JAKMIP3: variants seen among roughly 807,000 people sequenced by gnomAD.
The protein encoded by JAKMIP3 is Janus kinase and microtubule interacting protein 3.
A neutral mutation model predicts 118.5 loss-of-function variants in JAKMIP3; 58 were observed. The observed-to-expected ratio is 0.49, with a 90% CI of 0.40 to 0.61. The LOEUF (loss-of-function observed/expected upper bound fraction) is 0.61, where lower values mean the gene tolerates loss of function less well. JAKMIP3 is among the 20% of genes least tolerant of loss of function. The probability of loss-of-function intolerance (pLI) is 0.00; values close to 1 mark genes in which losing one functional copy is unlikely to be tolerated. For missense variants in JAKMIP3, 950 were observed against 1,109.0 expected (o/e 0.86, Z 2.04); for synonymous variants, 486 against 451.2 (o/e 1.08, Z -0.98).
At position 132,180,787 on chromosome 10, in the gene JAKMIP3, G is replaced by A. The variant is rs543209190; in HGVS notation, c.*1104-1570G>A. ...TGTGTGTGCGTGTGTGTGTGTGCGC[G>A]TATGCATGTGCTGTGAGTGGTGTGT... On this transcript the variant is annotated intron_variant, in intron 23 of 23. Transcript: ENST00000684848. 2.9e-4 allele frequency among the ~76,000 whole-genome samples: 7 copies of A among 24,142 alleles called. 3 individuals are homozygous for A. The highest frequency in any genetic ancestry group is 0.02 in the East Asian group (2 of 102). The allele number at this position is 24,142 out of a possible 152,430, so 15.8% of individuals were successfully genotyped here. A position where few individuals can be genotyped will look rare whatever the true frequency, so the allele number is the denominator to read the frequency against.
intron 1 of JAKMIP3, among the ~76,000 whole-genome samples, chr10:132,084,901 C>A (rs1192483801): frequency 6.6e-6 from 1 of 152,184 alleles, no homozygotes. Context: ...TGTTAAACCA[C>A]CCCTGCATTC....
intron 3 of JAKMIP3, among the ~76,000 whole-genome samples, chr10:132,132,165 C>T (rs1039800533): frequency 1.3e-5 from 2 of 152,232 alleles, no homozygotes; most frequent in African/African-American, 2.4e-5. Flanking sequence ...TCATCACTTG[C>T]TCCATCCAGG....
chr10:132,043,376 G>A (rs931216878), intron 1 of JAKMIP3, among the ~76,000 whole-genome samples: 9 of 151,740 alleles, frequency 5.9e-5, no homozygotes, highest in Admixed American at 6.6e-5. Flanking sequence ...GGCCCTTTCC[G>A]TTTGTGTGTG....
upstream of JAKMIP3, among the ~76,000 whole-genome samples, chr10:132,063,746 G>GTT (rs1481480232): frequency 6.6e-6 from 1 of 152,132 alleles, no homozygotes; most frequent in Non-Finnish European, 1.5e-5. Flanking sequence ...GAAAGTAGAT[G>GTT]TTTTTTCTGA....
At chr10:132,143,646 A>C (rs1477626127) in intron 11 of JAKMIP3, 1 of 152,268 alleles carries the variant, frequency 6.6e-6, no homozygotes, top group Admixed American at 6.5e-5. Flanking sequence ...AGATTAATGA[A>C]GAAAATAGAC....
intron 1 of JAKMIP3, among the ~76,000 whole-genome samples, chr10:132,050,916 T>C (rs1464946096): frequency 6.6e-6 from 1 of 151,654 alleles, no homozygotes; most frequent in African/African-American, 2.4e-5. Flanking sequence ...ACGGTTGGTC[T>C]TGTTAATTCC....
chr10:132,039,029 C>A (rs1372839537), intron 1 of JAKMIP3, among the ~76,000 whole-genome samples: 1 of 152,120 alleles, frequency 6.6e-6, no homozygotes, highest in Non-Finnish European at 1.5e-5. Context: ...CAGGCTCAGG[C>A]CACATCAAGG....
chr10:132,071,835 C>CCTTTCCTTTCTTT (rs1487081743), intron 1 of JAKMIP3, among the ~76,000 whole-genome samples: 635 of 25,036 alleles, frequency 0.025, 11 homozygotes, highest in African/African-American at 0.11. Context: ...TCCTTTCTTC[C>CCTTTCCTTTCTTT]CTTTCCTTTC....
chr10:132,139,404 G>A (rs1293758971), intron 9 of JAKMIP3, among the ~76,000 whole-genome samples: 1 of 124,478 alleles, frequency 8.0e-6, no homozygotes, highest in Non-Finnish European at 1.7e-5. Context: ...GTATGTGAGT[G>A]TGTATGTGTG....
chr10:132,099,831 C>G (rs1357124754), intron 1 of JAKMIP3, among the ~76,000 whole-genome samples: 2 of 152,146 alleles, frequency 1.3e-5, no homozygotes, highest in Non-Finnish European at 2.9e-5. Context: ...CCTCGGCACC[C>G]CAAACCCCTC....
rs148415767 is a variant in JAKMIP3 at position 132,114,130 on chromosome 10, A to G, written c.136-2947A>G. On this transcript the variant is annotated intron_variant, in intron 2 of 23. Transcript: ENST00000684848. ...GAAAATTGCCACGTGGTACCCACTG[A>G]GTCCAGCCTAGGCCACCTGACTCCA... is the stretch of plus-strand genomic sequence containing the variant. Among the ~76,000 whole-genome samples the G allele has an allele frequency of 3.9e-5, 6 of 152,378 alleles. No homozygotes were observed. The East Asian group carries it at 1.2e-3, about 29-fold the overall frequency.
intron 1 of JAKMIP3, among the ~76,000 whole-genome samples, chr10:132,050,333 T>C (rs559941858): frequency 1.0e-3 from 156 of 152,346 alleles, no homozygotes; most frequent in African/African-American, 2.6e-3. Flanking sequence ...CCCAGGCACC[T>C]CTCTGGCTCA....
chr10:132,107,652 G>A (rs1293393431), intron 2 of JAKMIP3, among the ~76,000 whole-genome samples: 3 of 152,226 alleles, frequency 2.0e-5, no homozygotes, highest in Non-Finnish European at 2.9e-5. Context: ...CATGCTGGAT[G>A]CACAGGCAGC....
intron 1 of JAKMIP3, among the ~76,000 whole-genome samples, chr10:132,085,734 C>T (rs1369552659): frequency 6.6e-6 from 1 of 152,068 alleles, no homozygotes; most frequent in African/African-American, 2.4e-5. Context: ...CTCCTGACCT[C>T]GTGATCCACC....
intron 2 of JAKMIP3, among the ~76,000 whole-genome samples, chr10:132,116,112 T>C (rs1031420835): frequency 6.6e-6 from 1 of 152,208 alleles, no homozygotes; most frequent in Non-Finnish European, 1.5e-5. Flanking sequence ...AGAAGTGCCT[T>C]TTCTCCGCGG....
chr10:132,048,136 G>GT (rs1466682924), intron 1 of JAKMIP3, among the ~76,000 whole-genome samples: 1 of 152,268 alleles, frequency 6.6e-6, no homozygotes, highest in Non-Finnish European at 1.5e-5. Context: ...AGCAGAGCAG[G>GT]TGTGATGTTG....
rs746995571 is a variant in JAKMIP3 at position 132,149,392 on chromosome 10, C to T, written c.1849-20C>T. On this transcript the variant is annotated intron_variant, in intron 14 of 23. Coordinates refer to ENST00000684848, the MANE Select transcript of JAKMIP3 (RefSeq NM_001323087.2). ...AGGGATGGGAGGGGAGCGGCTCACCCTTCTGTCCCTCTGTCCTAGGAGAGG... is the reference window on the plus strand; with the variant it reads ...AGGGATGGGAGGGGAGCGGCTCACCTTTCTGTCCCTCTGTCCTAGGAGAGG... 3.2e-6 allele frequency: 5 copies of T among 1,540,310 alleles called. No homozygotes were observed. Among genetic ancestry groups the T allele is most frequent in the Admixed American group, 1.8e-5 (1 of 56,488 alleles).
chr10:132,147,847 C>A (rs1253220052), intron 13 of JAKMIP3, 105 bp from the exon 14 acceptor site: 7 of 788,976 alleles, frequency 8.9e-6, no homozygotes, highest in Admixed American at 5.3e-5. Flanking sequence ...GGCCAGCCGG[C>A]CTCCCCGGCA....
chr10:132,180,644 TGCGTGTGCGTGTGC>T (rs2060944904), intron 23 of JAKMIP3, among the ~76,000 whole-genome samples: 3 of 24,294 alleles, frequency 1.2e-4, no homozygotes, highest in Middle Eastern at 0.015. Flanking sequence ...CGTGCGTGTG[TGCGTGTGCGTGTGC>T]GTGTGTGCGT....
Sources: gnomAD v4.1 joint callset for allele counts (sites outside exome capture counted in the v4.1 genomes callset) on GRCh38, gnomAD v4.1.1 for gene constraint, MANE v1.5 for transcripts, NCBI Gene and HGNC (gene_info 2026-07-23, HGNC 2026-07-21) for gene names.